Variants in WDFY3 observed in about 807,000 individuals in gnomAD.
The protein encoded by WDFY3 is WD repeat and FYVE domain-containing protein 3.
Under a neutral mutation model 409.6 loss-of-function variants are expected in WDFY3, and 66 were observed. That is an observed-to-expected ratio of 0.16 (90% confidence interval 0.13 to 0.20). WDFY3 has a LOEUF of 0.20. Ranked by LOEUF, WDFY3 falls within the 10% of genes least tolerant of loss-of-function variation. The pLI is 1.00. For synonymous variants in WDFY3, 1,521 were observed against 1,537.1 expected, an observed-to-expected ratio of 0.99 and a Z score of 0.25; for missense variants, 3,031 against 4,298.1, an observed-to-expected ratio of 0.71 and a Z score of 8.24.
chr4:84,869,451 TGGGTTGCTG>T (rs1171216601), intron 3 of WDFY3, among the ~76,000 whole-genome samples: 1 of 152,202 alleles, frequency 6.6e-6, no homozygotes, highest in Non-Finnish European at 1.5e-5. Context: ...TTTCTAATTT[TGGGTTGCTG>T]GGTACTACAG....
chr4:84,855,943 G>C (rs1009607388), intron 4 of WDFY3, among the ~76,000 whole-genome samples: 8 of 152,152 alleles, frequency 5.3e-5, no homozygotes, highest in African/African-American at 1.9e-4. Context: ...ATTCTCATCT[G>C]CTCTGGCTGT....
chr4:84,733,294 G>T, intron 44 of WDFY3, 88 bp downstream of exon 44: 1 of 1,370,136 alleles, frequency 7.3e-7, no homozygotes, highest in East Asian at 2.3e-5. Flanking sequence ...AGCTATTTGA[G>T]GTAATTGACT....
rs1754023220 is a variant in WDFY3, at chr4:84,821,342, A to C, written c.1333T>G (p.Phe445Val). 1 of 1,613,734 alleles carries C rather than the reference A, an allele frequency of 6.2e-7. No individual in the cohort carries two copies. The highest frequency in any genetic ancestry group is 1.7e-5 in the Admixed American group (1 of 59,924). Reference protein sequence around the residue: ...SKLPEVQNKYFEMLEFVVFSL... With the variant: ...SKLPEVQNKYVEMLEFVVFSL... Reference sequence around the variant, plus strand: ...AAAACAACAAACTCCAGCATCTCAAAGTATTTGTTTTGTACTTCTGGGAGT... The same window carrying C: ...AAAACAACAAACTCCAGCATCTCAACGTATTTGTTTTGTACTTCTGGGAGT... Residue 445 changes from phenylalanine (F) to valine (V), a missense_variant, in exon 11 of 68, where the codon TTT becomes GTT. By Grantham distance (50) the Phe-to-Val change is conservative. Coordinates refer to ENST00000295888, the MANE Select transcript of WDFY3 (RefSeq NM_014991.6).
intron 14 of WDFY3, chr4:84,808,858 T>C (rs1219216400): frequency 6.6e-6 from 1 of 152,320 alleles, no homozygotes; most frequent in Non-Finnish European, 1.5e-5. Flanking sequence ...TTAATGATTT[T>C]TTTTTTTACA....
At chr4:84,724,309 T>C (rs1194152649) in intron 46 of WDFY3, 117 bp downstream of exon 46, 1 of 1,168,358 alleles carries the variant, frequency 8.6e-7, no homozygotes, top group Non-Finnish European at 1.2e-6. Context: ...TGGTAAAATG[T>C]GTATGGATAT....
intron 32 of WDFY3, among the ~76,000 whole-genome samples, chr4:84,761,977 G>A (rs1446375117): frequency 6.6e-6 from 1 of 152,104 alleles, no homozygotes; most frequent in East Asian, 1.9e-4. Context: ...GTGCTGGAGA[G>A]GACGTGGAGA....
chr4:84,777,954 T>C (rs1441946156), intron 27 of WDFY3, among the ~76,000 whole-genome samples: 2 of 151,950 alleles, frequency 1.3e-5, no homozygotes, highest in East Asian at 3.9e-4. Context: ...AATAAGCCAG[T>C]AGAAATGAAA....
intron 3 of WDFY3, among the ~76,000 whole-genome samples, chr4:84,863,915 C>A (rs1310010067): frequency 6.6e-6 from 1 of 152,076 alleles, no homozygotes; most frequent in Non-Finnish European, 1.5e-5. Context: ...TGTTTTCATG[C>A]CAGTACCATA....
chr4:84,935,031 C>T (rs1473106392), intron 1 of WDFY3, among the ~76,000 whole-genome samples: 3 of 152,122 alleles, frequency 2.0e-5, no homozygotes, highest in Non-Finnish European at 2.9e-5. Flanking sequence ...ACTCACCCAA[C>T]GTTGTTGCAT....
chr4:84,816,124 C>T (rs1036826000), intron 13 of WDFY3, among the ~76,000 whole-genome samples: 1 of 152,002 alleles, frequency 6.6e-6, no homozygotes, highest in Non-Finnish European at 1.5e-5. Context: ...TCTCTGCCCT[C>T]GTCCTGGAAT....
At chr4:84,759,277 G>T (rs1005112023) in intron 32 of WDFY3, among the ~76,000 whole-genome samples, 1 of 152,156 alleles carries the variant, frequency 6.6e-6, no homozygotes, top group East Asian at 1.9e-4. Flanking sequence ...GGATTGACTT[G>T]GGGATGCGGG....
intron 35 of WDFY3, 138 bp downstream of exon 35, chr4:84,753,559 G>A: frequency 1.1e-6 from 1 of 941,942 alleles, no homozygotes; most frequent in Non-Finnish European, 1.5e-6. Flanking sequence ...TGCAAGAGGT[G>A]ATGTATAAAG....
At chr4:84,914,507 G>A (rs573823376) in intron 2 of WDFY3, among the ~76,000 whole-genome samples, 5 of 152,214 alleles carry the variant, frequency 3.3e-5, no homozygotes, top group Admixed American at 2.0e-4. Flanking sequence ...ATAAATTTTC[G>A]ACTGGAGGGG....
chr4:84,917,052 C>T (rs1033596999), intron 2 of WDFY3, among the ~76,000 whole-genome samples: 6 of 152,024 alleles, frequency 3.9e-5, no homozygotes, highest in Admixed American at 3.3e-4. Flanking sequence ...ATCACACACA[C>T]GAAAAATAGA....
At chr4:84,734,526 T>A (rs1158150496) in intron 43 of WDFY3, among the ~76,000 whole-genome samples, 1 of 152,216 alleles carries the variant, frequency 6.6e-6, no homozygotes, top group Admixed American at 6.5e-5. Flanking sequence ...GAATAAAATA[T>A]TTAAGATAAG....
intron 3 of WDFY3, among the ~76,000 whole-genome samples, chr4:84,889,745 T>C (rs1764689088): frequency 6.6e-6 from 1 of 152,158 alleles, no homozygotes; most frequent in Admixed American, 6.5e-5. Flanking sequence ...GGCTTTATAA[T>C]GTTGTAAGAA....
chr4:84,733,519 T>A lies in WDFY3; in HGVS notation c.7084A>T (p.Ile2362Phe). ...LRERGLWGPP[I>F]GSHLDKWMLE... Reference sequence around the variant, plus strand: ...ATCCACTTGTCGAGGTGGGAGCCGATGGGAGGGCCCCACAGCCCCCGCTCC... The same window carrying A: ...ATCCACTTGTCGAGGTGGGAGCCGAAGGGAGGGCCCCACAGCCCCCGCTCC... Residue 2362 changes from isoleucine (I) to phenylalanine (F), a missense_variant, in exon 44 of 68, where the codon ATC becomes TTC. Ile to Phe is a conservative substitution (Grantham distance 21, BLOSUM62 0). Coordinates refer to ENST00000295888, the MANE Select transcript of WDFY3 (RefSeq NM_014991.6). 1 of 1,614,124 alleles carries A rather than the reference T, an allele frequency of 6.2e-7. No individual in the cohort carries two copies. The highest frequency in any genetic ancestry group is 8.5e-7 in the Non-Finnish European group (1 of 1,180,012).
chr4:84,817,562 C>A lies in WDFY3; in HGVS notation c.1717G>T (p.Ala573Ser). ...TTTACTATATTATGTGCACATCTTG[C>A]ACCTCCAAATTCTCGAAAAATTCCT... ...NAGIFREFGG[A>S]RCAHNIVKYP... The change falls in exon 13 of 68, where the codon GCA (alanine) becomes TCA (serine). Residue 573 changes from alanine to serine, a missense_variant. Ala to Ser is a moderately conservative substitution (Grantham distance 99, BLOSUM62 1). Transcript: ENST00000295888. 1 of 1,604,088 alleles carries A rather than the reference C, an allele frequency of 6.2e-7. No homozygotes were observed. The highest frequency in any genetic ancestry group is 8.5e-7 in the Non-Finnish European group (1 of 1,175,470).
intron 32 of WDFY3, among the ~76,000 whole-genome samples, chr4:84,761,539 T>A (rs930591819): frequency 2.0e-5 from 3 of 152,166 alleles, no homozygotes; most frequent in African/African-American, 7.2e-5. Flanking sequence ...CTTGTTGAAT[T>A]GATCCCTTTA....
Sources: gnomAD v4.1 joint callset for allele counts (sites outside exome capture counted in the v4.1 genomes callset) on GRCh38, gnomAD v4.1.1 for gene constraint, MANE v1.5 for transcripts, NCBI Gene and HGNC (gene_info 2026-07-23, HGNC 2026-07-21) for gene names.